The following BLTP1 variants were observed in gnomAD, a reference collection of about 807,000 sequenced individuals.
BLTP1 encodes fragile site-associated protein.
the BLTP1 span, chr4:122,164,476 C>G: frequency 2.1e-6 from 2 of 932,384 alleles, no homozygotes; most frequent in Non-Finnish European, 1.3e-6. Flanking sequence ...CTATATGCAT[C>G]TTTGGCAGGA....
the BLTP1 span, chr4:122,175,261 C>T: frequency 2.3e-3 from 2,301 of 984,698 alleles, 1 homozygote; most frequent in South Asian, 3.8e-3. Flanking sequence ...CTAGAGGAGA[C>T]AACTTCTATA....
At chr4:122,197,398 T>G in the BLTP1 span, 12 of 991,534 alleles carry the variant, frequency 1.2e-5, no homozygotes, top group Non-Finnish European at 1.5e-5. Context: ...AATTATATTT[T>G]GATGTGCCTA....
At chr4:122,263,933 A>G in the BLTP1 span, 1 of 242,694 alleles carries the variant, frequency 4.1e-6, no homozygotes, top group African/African-American at 2.3e-5. Flanking sequence ...GTTTTAATTT[A>G]TCTAGATCCC....
At chr4:122,221,362 T>G in the BLTP1 span, among the ~76,000 whole-genome samples, 1 of 152,196 alleles carries the variant, frequency 6.6e-6, no homozygotes, top group Non-Finnish European at 1.5e-5. Flanking sequence ...CTAGGCATTG[T>G]TTTTGTTTTG....
the BLTP1 span, among the ~76,000 whole-genome samples, chr4:122,277,954 T>G: frequency 6.6e-6 from 1 of 152,184 alleles, no homozygotes; most frequent in Non-Finnish European, 1.5e-5. Context: ...ATCTTGTTCA[T>G]GTTTTTACTT....
chr4:122,247,570 T>G, the BLTP1 span: 801 of 1,103,286 alleles, frequency 7.3e-4, 1 homozygote, highest in Middle Eastern at 2.9e-3. Flanking sequence ...GTAAGAAAAT[T>G]AAGTGGTATG....
At chr4:122,167,376 A>G in the BLTP1 span, among the ~76,000 whole-genome samples, 2 of 152,082 alleles carry the variant, frequency 1.3e-5, no homozygotes, top group African/African-American at 2.4e-5. Flanking sequence ...CTGCCGCAAC[A>G]TACTTTTCAG....
chr4:122,210,575 G>A, the BLTP1 span, among the ~76,000 whole-genome samples: 1 of 152,050 alleles, frequency 6.6e-6, no homozygotes, highest in Non-Finnish European at 1.5e-5. Context: ...AATAGTTAAG[G>A]TCTTGATGTG....
the BLTP1 span, chr4:122,309,255 A>G: frequency 3.7e-6 from 6 of 1,603,812 alleles, no homozygotes; most frequent in South Asian, 1.1e-5. Context: ...CTTCTTTAAT[A>G]TATTTTGCAG....
At chr4:122,333,933 T>C in the BLTP1 span, 1 of 1,209,450 alleles carries the variant, frequency 8.3e-7, no homozygotes, top group Admixed American at 3.4e-5. Flanking sequence ...TTGTCTAATA[T>C]AGCCATATTC....
chr4:122,269,088 C>G, the BLTP1 span: 1 of 965,914 alleles, frequency 1.0e-6, no homozygotes, highest in Non-Finnish European at 1.2e-6. Flanking sequence ...TACACATACT[C>G]TCTAGGGTTA....
the BLTP1 span, chr4:122,361,892 G>A: frequency 4.5e-6 from 4 of 885,440 alleles, no homozygotes; most frequent in Non-Finnish European, 3.3e-6. Flanking sequence ...GGAATTATGG[G>A]CTCATTTATA....
At chr4:122,252,273 G>C in the BLTP1 span, among the ~76,000 whole-genome samples, 3 of 152,194 alleles carry the variant, frequency 2.0e-5, no homozygotes, top group African/African-American at 7.2e-5. Flanking sequence ...AAAGCAGAGG[G>C]AGAAGTAATG....
the BLTP1 span, chr4:122,324,411 T>C: frequency 1.1e-4 from 181 of 1,605,928 alleles, no homozygotes; most frequent in Admixed American, 1.5e-4. Flanking sequence ...CCCTTTTTTC[T>C]CTCCCATTTT....
At chr4:122,314,666 C>G in the BLTP1 span, among the ~76,000 whole-genome samples, 1 of 152,098 alleles carries the variant, frequency 6.6e-6, no homozygotes, top group Non-Finnish European at 1.5e-5. Flanking sequence ...AGCCTTAGTG[C>G]TCATCCTAAG....
At chr4:122,254,926 A>T in the BLTP1 span, 1 of 1,612,394 alleles carries the variant, frequency 6.2e-7, no homozygotes, top group East Asian at 2.2e-5. Flanking sequence ...TTGTGCTGTT[A>T]TGGGATGCAT....
the BLTP1 span, among the ~76,000 whole-genome samples, chr4:122,357,194 C>T: frequency 6.6e-6 from 1 of 152,096 alleles, no homozygotes. Context: ...TTATTTAAAT[C>T]TCAGTGGTGG....
At chr4:122,267,051 A>T in the BLTP1 span, 5 of 152,244 alleles carry the variant, frequency 3.3e-5, no homozygotes, top group Admixed American at 1.4e-4. Flanking sequence ...TAAGGAAGTA[A>T]TTTTTTTTTT....
At chr4:122,217,000 A>G in the BLTP1 span, among the ~76,000 whole-genome samples, 1 of 152,144 alleles carries the variant, frequency 6.6e-6, no homozygotes, top group South Asian at 2.1e-4. Context: ...TTATCCCAGC[A>G]CAATTTGCTG....
Sources: gnomAD v4.1 joint callset for allele counts (sites outside exome capture counted in the v4.1 genomes callset) on GRCh38, gnomAD v4.1.1 for gene constraint, MANE v1.5 for transcripts, NCBI Gene and HGNC (gene_info 2026-07-23, HGNC 2026-07-21) for gene names.